RABEP1: variants seen among roughly 807,000 people sequenced by gnomAD.
RABEP1 encodes the protein rabaptin, RAB GTPase binding effector protein 1, also known as rab GTPase-binding effector protein 1.
Under a neutral mutation model 123.4 loss-of-function variants are expected in RABEP1, and 51 were observed. That is an observed-to-expected ratio of 0.41 (90% CI 0.33 to 0.52). The LOEUF (loss-of-function observed/expected upper bound fraction) is 0.52. RABEP1 is among the 20% of genes least tolerant of loss of function. The probability of loss-of-function intolerance (pLI) is 0.16; values close to 1 mark genes in which losing one functional copy is unlikely to be tolerated. For missense variants in RABEP1, 888 were observed against 996.3 expected, an observed-to-expected ratio of 0.89 and a Z score of 1.46; for synonymous variants, 347 against 355.2, an observed-to-expected ratio of 0.98 and a Z score of 0.26.
In RABEP1 at chr17:5,383,375, C is replaced by A. The variant is rs1378125504; in HGVS notation, c.*152C>A. On this transcript the variant is annotated 3_prime_UTR_variant, in exon 18 of 18. Transcript: ENST00000537505. Reference sequence around the variant, plus strand: ...TTACTTCTAGAGGGAGAAGACTGTGCGGCACAGGAAACAGCAAACAGTGGG... The same window carrying A: ...TTACTTCTAGAGGGAGAAGACTGTGAGGCACAGGAAACAGCAAACAGTGGG... 1.5e-6 allele frequency: 1 copy of A among 660,712 alleles called. No homozygotes were observed. The highest frequency in any genetic ancestry group is 2.6e-6 in the Non-Finnish European group (1 of 385,308). The allele number at this position is 660,712 out of a possible 1,614,324, so 40.9% of individuals were successfully genotyped here.
intron 1 of RABEP1, among the ~76,000 whole-genome samples, chr17:5,295,788 G>T (rs1475240496): frequency 6.6e-6 from 1 of 152,174 alleles, no homozygotes; most frequent in African/African-American, 2.4e-5. Context: ...GCTCAAGGAT[G>T]TCAAAGATCT....
chr17:5,292,443 A>G (rs886799168), intron 1 of RABEP1, among the ~76,000 whole-genome samples: 2 of 151,820 alleles, frequency 1.3e-5, no homozygotes, highest in African/African-American at 4.8e-5. Context: ...GCTGTAGTGC[A>G]GTGGCGCGAT....
intron 4 of RABEP1, among the ~76,000 whole-genome samples, chr17:5,337,690 C>G (rs148067571): frequency 0.029 from 4,453 of 151,220 alleles, 74 homozygotes; most frequent in Middle Eastern, 0.065. Context: ...GAGACTCCGT[C>G]TCAAAAAAAA....
intron 8 of RABEP1, among the ~76,000 whole-genome samples, chr17:5,355,657 G>T (rs917676772): frequency 6.6e-6 from 1 of 151,900 alleles, no homozygotes; most frequent in African/African-American, 2.4e-5. Context: ...TACTTTCAGG[G>T]GTATCATGTT....
chr17:5,346,557 A>T (rs1908081237), intron 5 of RABEP1, among the ~76,000 whole-genome samples: 1 of 152,214 alleles, frequency 6.6e-6, no homozygotes, highest in Non-Finnish European at 1.5e-5. Flanking sequence ...TGTTATGTGA[A>T]ATCTCAATTG....
At chr17:5,328,805 G>T (rs531515735) in intron 2 of RABEP1, among the ~76,000 whole-genome samples, 259 of 151,384 alleles carry the variant, frequency 1.7e-3, no homozygotes, top group African/African-American at 6.0e-3. Flanking sequence ...ACAAAAATTC[G>T]CCAGGCGCAG....
intron 4 of RABEP1, chr17:5,336,651 A>G (rs1907116127): frequency 3.1e-6 from 1 of 324,156 alleles, no homozygotes; most frequent in Admixed American, 5.0e-5. Flanking sequence ...TGGAATTGTG[A>G]AGTCATATTT....
At chr17:5,328,927 T>G (rs911710344) in intron 2 of RABEP1, among the ~76,000 whole-genome samples, 8 of 150,284 alleles carry the variant, frequency 5.3e-5, no homozygotes, top group African/African-American at 1.5e-4. Context: ...AGAGTGAGAC[T>G]GTCTCAAAAA....
intron 17 of RABEP1, 84 bp downstream of exon 17, chr17:5,381,589 C>T: frequency 6.6e-7 from 1 of 1,516,114 alleles, no homozygotes; most frequent in East Asian, 2.4e-5. Context: ...TGACCACTGG[C>T]AGTAGCTAGA....
intron 6 of RABEP1, among the ~76,000 whole-genome samples, chr17:5,350,189 G>A (rs962644943): frequency 1.3e-5 from 2 of 152,056 alleles, no homozygotes; most frequent in South Asian, 2.1e-4. Context: ...GACCATCCTG[G>A]CTAACATGGT....
At chr17:5,333,663 C>T (rs963201529) in intron 3 of RABEP1, among the ~76,000 whole-genome samples, 6 of 152,134 alleles carry the variant, frequency 3.9e-5, no homozygotes, top group Non-Finnish European at 2.9e-5. Flanking sequence ...ATTAGGAGTT[C>T]CTTTTTCTCC....
At chr17:5,290,811 G>T (rs2075026193) in intron 1 of RABEP1, among the ~76,000 whole-genome samples, 1 of 151,972 alleles carries the variant, frequency 6.6e-6, no homozygotes, top group Non-Finnish European at 1.5e-5. Flanking sequence ...GCCCAGGCTG[G>T]TGCTGAACTC....
At chr17:5,378,135 A>G (rs771239704) in intron 14 of RABEP1, 42 bp from the exon 15 acceptor site, 1 of 1,463,706 alleles carries the variant, frequency 6.8e-7, no homozygotes, top group Non-Finnish European at 9.5e-7. Context: ...TTCATGCACA[A>G]TAATAGATGA....
At chr17:5,350,390 AG>A in intron 6 of RABEP1, 60 bp from the exon 7 acceptor site, 5 of 1,543,332 alleles carry the variant, frequency 3.2e-6, no homozygotes, top group Non-Finnish European at 3.5e-6. Context: ...AAAAAAAAAA[AG>A]AAATTGCCTA....
At chr17:5,350,278 G>A (rs978568767) in intron 6 of RABEP1, among the ~76,000 whole-genome samples, 173 bp from the exon 7 acceptor site, 3 of 152,182 alleles carry the variant, frequency 2.0e-5, no homozygotes, top group African/African-American at 2.4e-5. Context: ...TACTCCGGAG[G>A]CTGAGGCAGG....
chr17:5,323,839 A>AATATATATATATATCTAGGAAT (rs1567522282), intron 2 of RABEP1, among the ~76,000 whole-genome samples: 1 of 70,266 alleles, frequency 1.4e-5, no homozygotes, highest in Non-Finnish European at 2.7e-5. Flanking sequence ...TATATCTAGG[A>AATATATATATATATCTAGGAAT]ATATATATAT....
intron 4 of RABEP1, 61 bp from the exon 5 acceptor site, chr17:5,337,958 A>G: frequency 6.5e-7 from 1 of 1,531,320 alleles, no homozygotes; most frequent in Non-Finnish European, 8.8e-7. Context: ...TGGAAGGGTT[A>G]GAGTTTCTTA....
chr17:5,308,681 T>C lies in RABEP1; in HGVS notation c.35-13T>C. On this transcript the variant is annotated splice_polypyrimidine_tract_variant and intron_variant, in intron 1 of 17. Transcript: ENST00000537505. ...AAAGTTATTACTTGTTAACTAGTGT[T>C]TTTTTCCCCCAGTTTCTCTTCAGCA... 6.2e-7 allele frequency: 1 copy of C among 1,602,330 alleles called. No individual in the cohort carries two copies. The highest frequency in any genetic ancestry group is 2.2e-5 in the East Asian group (1 of 44,672).
At chr17:5,332,915 T>C (rs1430817899) in intron 3 of RABEP1, among the ~76,000 whole-genome samples, 1 of 152,004 alleles carries the variant, frequency 6.6e-6, no homozygotes, top group African/African-American at 2.4e-5. Flanking sequence ...TGGCCTGGTT[T>C]AGATTTTTTA....
Sources: allele counts gnomAD v4.1 joint callset (sites outside exome capture counted in the v4.1 genomes callset), GRCh38; gene constraint gnomAD v4.1.1; transcripts MANE v1.5; gene names NCBI Gene and HGNC (gene_info 2026-07-23, HGNC 2026-07-21).